DGKB: variants seen among roughly 807,000 people sequenced by gnomAD.
The protein encoded by DGKB is 90 kDa diacylglycerol kinase.
In DGKB, 67 loss-of-function variants were observed where a neutral mutation model predicts 114.3. The ratio of observed to expected loss-of-function variants is 0.59; its 90% CI spans 0.48 to 0.72. The LOEUF (loss-of-function observed/expected upper bound fraction) is 0.72, where lower values mean the gene tolerates loss of function less well. DGKB is among the 30% of genes least tolerant of loss of function. DGKB has a pLI of 0.00. For synonymous variants in DGKB, 398 were observed against 323.1 expected, an observed-to-expected ratio of 1.23 and a Z score of -2.49; for missense variants, 907 against 975.2, an observed-to-expected ratio of 0.93 and a Z score of 0.93.
intron 17 of DGKB, among the ~76,000 whole-genome samples, chr7:14,592,712 A>G (rs922514630): frequency 6.6e-6 from 1 of 151,640 alleles, no homozygotes; most frequent in Non-Finnish European, 1.5e-5. Context: ...TGCTCCCTAA[A>G]GTTTCACTCT....
intron 1 of DGKB, among the ~76,000 whole-genome samples, chr7:14,912,816 C>A (rs567466265): frequency 9.2e-5 from 14 of 152,174 alleles, no homozygotes; most frequent in African/African-American, 3.4e-4. Flanking sequence ...TATGAGTGTC[C>A]CATACGTCTA....
At chr7:14,509,944 G>C (rs1469453584) in intron 20 of DGKB, among the ~76,000 whole-genome samples, 1 of 152,182 alleles carries the variant, frequency 6.6e-6, no homozygotes, top group Non-Finnish European at 1.5e-5. Flanking sequence ...GGGAGGCCGA[G>C]GCGGGCTGGT....
chr7:14,258,697 C>T (rs372559976), intron 23 of DGKB, among the ~76,000 whole-genome samples: 5 of 152,242 alleles, frequency 3.3e-5, no homozygotes, highest in Admixed American at 2.0e-4. Context: ...ACAATCAAGT[C>T]TATGTACAGC....
In DGKB at chr7:14,584,611, C is replaced by G. The variant is rs539059838; in HGVS notation, c.1434-1474G>C. ...TGCGTAACCTGTCCTATGAAAAGAA[C>G]ACTCAAAGATGTGCCTTTCTTTCTA... On this transcript the variant is annotated intron_variant, in intron 17 of 25. Coordinates refer to ENST00000402815, the MANE Select transcript of DGKB (RefSeq NM_001350709.2). Among the ~76,000 whole-genome samples, 4 of 152,152 alleles carry G rather than the reference C, an allele frequency of 2.6e-5. No homozygotes were observed. In the East Asian group the frequency reaches 7.7e-4, roughly 29 times the overall value.
chr7:14,756,235 G>A (rs1834847347), intron 3 of DGKB, among the ~76,000 whole-genome samples: 1 of 151,962 alleles, frequency 6.6e-6, no homozygotes, highest in South Asian at 2.1e-4. Context: ...ATATTGTTGT[G>A]AATATAAATA....
At chr7:14,528,012 C>A (rs1191246882) in intron 20 of DGKB, among the ~76,000 whole-genome samples, 2 of 151,756 alleles carry the variant, frequency 1.3e-5, no homozygotes, top group Admixed American at 6.6e-5. Flanking sequence ...TGTTAGTACC[C>A]AAAAAAGCAT....
At chr7:14,205,817 C>A (rs1584441183) in intron 23 of DGKB, among the ~76,000 whole-genome samples, 1 of 152,036 alleles carries the variant, frequency 6.6e-6, no homozygotes, top group Non-Finnish European at 1.5e-5. Context: ...AGGGAATGAA[C>A]CTTACTACGT....
At chr7:14,661,993 G>T (rs968747887) in intron 13 of DGKB, among the ~76,000 whole-genome samples, 1 of 151,962 alleles carries the variant, frequency 6.6e-6, no homozygotes, top group Non-Finnish European at 1.5e-5. Context: ...CTCATAGGTG[G>T]GAAATGAACA....
In DGKB at chr7:14,621,489, T is replaced by C. The variant is rs766381382; in HGVS notation, c.1173A>G (p.Arg391=). The C allele has an allele frequency of 1.9e-6, 3 of 1,582,800 alleles. No homozygotes were observed. Among genetic ancestry groups the C allele is most frequent in the East Asian group, 2.2e-5 (1 of 44,486 alleles). Residue 391 remains arginine, a synonymous_variant, in exon 15 of 26, where the codon AGA becomes AGG. Coordinates refer to ENST00000402815, the MANE Select transcript of DGKB (RefSeq NM_001350709.2). ...PTSGVSVPEE[R]QSTVKKEKSG... is the part of the protein sequence containing the mutation. ...TCTTTTCCTTTTTCACTGTTGATTG[T>C]CTTTCCTGTAAAAAAGAAAATTTTG...
chr7:14,350,851 T>C (rs1180546780), intron 21 of DGKB, among the ~76,000 whole-genome samples: 1 of 152,094 alleles, frequency 6.6e-6, no homozygotes, highest in African/African-American at 2.4e-5. Flanking sequence ...TTTAAGTAGC[T>C]TAGTTAAAAT....
At chr7:14,381,191 A>G (rs1233719000) in intron 21 of DGKB, among the ~76,000 whole-genome samples, 1 of 152,184 alleles carries the variant, frequency 6.6e-6, no homozygotes, top group Non-Finnish European at 1.5e-5. Context: ...ATGCCAAGGT[A>G]ATCAATAAGG....
chr7:14,588,028 T>G (rs1801067930), intron 17 of DGKB, among the ~76,000 whole-genome samples: 1 of 152,078 alleles, frequency 6.6e-6, no homozygotes, highest in Non-Finnish European at 1.5e-5. Context: ...TTTAGAGTAA[T>G]GCATATTAAT....
intron 9 of DGKB, among the ~76,000 whole-genome samples, chr7:14,690,284 C>A (rs1246188055): frequency 6.6e-6 from 1 of 152,240 alleles, no homozygotes; most frequent in East Asian, 1.9e-4. Context: ...TCTCGTTTTT[C>A]CGGAGACAGC....
At chr7:14,314,170 C>T (rs1805998556) in intron 23 of DGKB, among the ~76,000 whole-genome samples, 1 of 152,044 alleles carries the variant, frequency 6.6e-6, no homozygotes, top group South Asian at 2.1e-4. Flanking sequence ...GATAAAACCA[C>T]AAAGATGGGG....
chr7:14,641,247 GGTTT>G, intron 13 of DGKB, among the ~76,000 whole-genome samples: 1 of 20,514 alleles, frequency 4.9e-5, no homozygotes. Context: ...ATAGGGATTT[GGTTT>G]ACAATATAGG....
At chr7:14,355,736 CT>C (rs945293481) in intron 21 of DGKB, among the ~76,000 whole-genome samples, 2 of 151,270 alleles carry the variant, frequency 1.3e-5, no homozygotes, top group African/African-American at 2.4e-5. Context: ...GTCTAAAATT[CT>C]TTTTTTTTGT....
intron 1 of DGKB, among the ~76,000 whole-genome samples, chr7:14,869,360 C>T (rs557331726): frequency 2.6e-5 from 4 of 152,072 alleles, no homozygotes; most frequent in South Asian, 2.1e-4. Context: ...TAACTGGGTC[C>T]GTAATTTCTT....
At chr7:14,476,087 C>T (rs763428772) in intron 21 of DGKB, among the ~76,000 whole-genome samples, 9 of 151,898 alleles carry the variant, frequency 5.9e-5, no homozygotes, top group Non-Finnish European at 1.2e-4. Flanking sequence ...TCCAAACACA[C>T]TTTCGTTTTT....
intron 21 of DGKB, among the ~76,000 whole-genome samples, chr7:14,380,713 G>T (rs750029310): frequency 6.6e-6 from 1 of 152,056 alleles, no homozygotes. Flanking sequence ...TTTTCTGAGG[G>T]TCTGTTGAGT....
Sources: allele counts gnomAD v4.1 joint callset (sites outside exome capture counted in the v4.1 genomes callset), GRCh38; gene constraint gnomAD v4.1.1; transcripts MANE v1.5; gene names NCBI Gene and HGNC (gene_info 2026-07-23, HGNC 2026-07-21).